Variants in STK32A observed in about 807,000 individuals in gnomAD.
The protein encoded by STK32A is serine/threonine-protein kinase 32A.
STK32A carries 41 observed loss-of-function variants against 53.2 expected under a neutral mutation model. The ratio of observed to expected loss-of-function variants is 0.77; its 90% CI spans 0.60 to 1.00. The LOEUF is 1.00. STK32A is among the 50% of genes least tolerant of loss of function. The pLI, the probability that STK32A is intolerant of heterozygous loss-of-function variation, is 0.00. For synonymous variants in STK32A, 166 were observed against 162.8 expected (o/e 1.02, Z -0.15); for missense variants, 458 against 485.8 (o/e 0.94, Z 0.54).
At chr5:147,342,289 G>A (rs1405903266) in intron 5 of STK32A, among the ~76,000 whole-genome samples, 2 of 152,158 alleles carry the variant, frequency 1.3e-5, no homozygotes, top group African/African-American at 4.8e-5. Context: ...TCCATAAACA[G>A]AACCAAGTGT....
At chr5:147,350,991 T>A (rs1232065702) in intron 6 of STK32A, 74 bp from the exon 7 acceptor site, 1 of 1,314,172 alleles carries the variant, frequency 7.6e-7, no homozygotes, top group Non-Finnish European at 1.1e-6. Flanking sequence ...ATTGGGTGTT[T>A]TCAGTTAAAA....
At chr5:147,257,600 G>C (rs535109401) in intron 2 of STK32A, among the ~76,000 whole-genome samples, 1 of 152,254 alleles carries the variant, frequency 6.6e-6, no homozygotes, top group African/African-American at 2.4e-5. Flanking sequence ...CACAACTCTG[G>C]AGGGGGCAGC....
chr5:147,327,619 G>T (rs1014299324), intron 5 of STK32A, among the ~76,000 whole-genome samples: 1 of 152,192 alleles, frequency 6.6e-6, no homozygotes, highest in Non-Finnish European at 1.5e-5. Context: ...GGGTTTCCTG[G>T]GTACCAGGCT....
At chr5:147,344,466 T>G (rs1170673425) in intron 6 of STK32A, among the ~76,000 whole-genome samples, 1 of 152,220 alleles carries the variant, frequency 6.6e-6, no homozygotes, top group Admixed American at 6.5e-5. Context: ...TGAAGGTGAC[T>G]TTCTTTAAAA....
chr5:147,382,466 G>A (rs999518088), intron 11 of STK32A, among the ~76,000 whole-genome samples: 4 of 151,818 alleles, frequency 2.6e-5, no homozygotes, highest in African/African-American at 9.7e-5. Context: ...GTTTTTTACT[G>A]TGAATGAGCC....
chr5:147,236,951 G>A (rs1300534678), intron 1 of STK32A, among the ~76,000 whole-genome samples: 1 of 152,096 alleles, frequency 6.6e-6, no homozygotes, highest in African/African-American at 2.4e-5. Flanking sequence ...CATGTACTCA[G>A]GTTTTAAGCA....
chr5:147,264,131 TATA>T (rs1207173047), intron 2 of STK32A, among the ~76,000 whole-genome samples: 1 of 152,198 alleles, frequency 6.6e-6, no homozygotes, highest in African/African-American at 2.4e-5. Context: ...TTCATGGATA[TATA>T]ATATTTCAAA....
chr5:147,374,369 G>A (rs188795321), intron 10 of STK32A, among the ~76,000 whole-genome samples: 1 of 152,152 alleles, frequency 6.6e-6, no homozygotes, highest in East Asian at 1.9e-4. Context: ...TGTACACACA[G>A]CAGGAGGCAT....
chr5:147,279,638 G>T (rs373464362), intron 4 of STK32A, among the ~76,000 whole-genome samples: 1 of 152,202 alleles, frequency 6.6e-6, no homozygotes, highest in Non-Finnish European at 1.5e-5. Context: ...TCATGTAAGG[G>T]GGGGTTTGAG....
intron 5 of STK32A, among the ~76,000 whole-genome samples, chr5:147,341,282 T>G (rs1301837779): frequency 1.3e-5 from 2 of 152,180 alleles, no homozygotes; most frequent in African/African-American, 4.8e-5. Context: ...TATCTCTAGC[T>G]TTATGGTGCA....
rs80237497 is a variant in STK32A, at chr5:147,356,424, T to C, written c.563-5093T>C. Among the ~76,000 whole-genome samples the C allele has an allele frequency of 2.9e-3, 446 of 152,310 alleles. 17 individuals are homozygous for C. In the East Asian group the frequency reaches 0.076, roughly 26 times the overall value. On this transcript the variant is annotated intron_variant, in intron 7 of 12. Coordinates refer to ENST00000397936, the MANE Select transcript of STK32A (RefSeq NM_001112724.2). ...TATTGTATATATAGTACTATTGTTATAGTATATATTGTTCTCACTTCAGAA... is the reference window on the plus strand; with the variant it reads ...TATTGTATATATAGTACTATTGTTACAGTATATATTGTTCTCACTTCAGAA...
At chr5:147,357,138 A>G (rs981661352) in intron 7 of STK32A, among the ~76,000 whole-genome samples, 9 of 152,164 alleles carry the variant, frequency 5.9e-5, no homozygotes, top group Non-Finnish European at 1.0e-4. Flanking sequence ...TTACTTCTTA[A>G]TTAAAATTAA....
chr5:147,246,182 T>G (rs926707733), intron 2 of STK32A, among the ~76,000 whole-genome samples: 1 of 152,184 alleles, frequency 6.6e-6, no homozygotes, highest in Non-Finnish European at 1.5e-5. Context: ...AAAAAATAAG[T>G]CATCTTGGAC....
chr5:147,281,073 A>G (rs1230225351), intron 4 of STK32A, among the ~76,000 whole-genome samples: 1 of 151,224 alleles, frequency 6.6e-6, no homozygotes, highest in Non-Finnish European at 1.5e-5. Context: ...AACCATATCC[A>G]TAGGAAAGGA....
chr5:147,315,758 A>T (rs906368076), intron 4 of STK32A, among the ~76,000 whole-genome samples: 1 of 152,240 alleles, frequency 6.6e-6, no homozygotes. Context: ...ATAGAAAAAA[A>T]TACAAGAAGT....
Position 147,279,365 on chromosome 5 carries a change from A to G in STK32A, c.227A>G (p.Gln76Arg). 1 of 1,605,426 alleles carries G rather than the reference A, an allele frequency of 6.2e-7. No homozygotes were observed. Among genetic ancestry groups the G allele is most frequent in the Non-Finnish European group, 8.5e-7 (1 of 1,175,642 alleles). Residue 76 changes from glutamine to arginine, a missense_variant, in exon 4 of 13, where the codon CAG becomes CGG. Gln to Arg is a conservative substitution (Grantham distance 43). Coordinates refer to ENST00000397936, the MANE Select transcript of STK32A (RefSeq NM_001112724.2). ...RNVFKELQIM[Q>R]GLEHPFLVNL... ...GTCTTCAAGGAACTCCAGATCATGC[A>G]GGGTCTGGAGCACCCTTTCCTGGTT... is the stretch of plus-strand genomic sequence containing the variant.
At chr5:147,279,714 T>C (rs1751960132) in intron 4 of STK32A, among the ~76,000 whole-genome samples, 1 of 152,134 alleles carries the variant, frequency 6.6e-6, no homozygotes, top group African/African-American at 2.4e-5. Context: ...TGAAAAAAGA[T>C]GGAGATTTCT....
intron 4 of STK32A, among the ~76,000 whole-genome samples, chr5:147,296,500 G>A (rs1323548008): frequency 6.6e-6 from 1 of 152,058 alleles, no homozygotes; most frequent in Non-Finnish European, 1.5e-5. Flanking sequence ...CTGAAGTTAT[G>A]TGCATGCTTA....
intron 4 of STK32A, among the ~76,000 whole-genome samples, chr5:147,306,140 G>T (rs570580986): frequency 6.6e-6 from 1 of 151,768 alleles, no homozygotes; most frequent in African/African-American, 2.4e-5. Context: ...TTTAACTCTG[G>T]GTGTTCCAGC....
Sources: allele counts gnomAD v4.1 joint callset (sites outside exome capture counted in the v4.1 genomes callset), GRCh38; gene constraint gnomAD v4.1.1; transcripts MANE v1.5; gene names NCBI Gene and HGNC (gene_info 2026-07-23, HGNC 2026-07-21).